The following LMO7 variants were observed in gnomAD, a reference collection of about 807,000 sequenced individuals.
The protein encoded by LMO7 is LIM domain 7, also known as LIM domain only protein 7.
In LMO7, 120 loss-of-function variants were observed where a neutral mutation model predicts 206.5. The observed-to-expected ratio is 0.58, with a 90% confidence interval of 0.50 to 0.68. The LOEUF is 0.68. LMO7 is among the 30% of genes least tolerant of loss of function. LMO7 has a pLI of 0.00. For synonymous variants in LMO7, 706 were observed against 681.5 expected (o/e 1.04, Z -0.56); for missense variants, 1,959 against 1,957.9 (o/e 1.00, Z -0.01).
At chr13:75,851,065 C>G (rs1416793646) in intron 27 of LMO7, among the ~76,000 whole-genome samples, 1 of 152,158 alleles carries the variant, frequency 6.6e-6, no homozygotes, top group Non-Finnish European at 1.5e-5. Context: ...TAAGCAAGTG[C>G]TTATCAAGCT....
chr13:75,786,945 T>A (rs2052539749), intron 4 of LMO7, among the ~76,000 whole-genome samples: 1 of 152,218 alleles, frequency 6.6e-6, no homozygotes, highest in South Asian at 2.1e-4. Flanking sequence ...AAGATCAGTT[T>A]AAAAATCTTA....
At chr13:75,719,287 G>A (rs2043822068) in intron 2 of LMO7, among the ~76,000 whole-genome samples, 1 of 152,048 alleles carries the variant, frequency 6.6e-6, no homozygotes, top group Non-Finnish European at 1.5e-5. Flanking sequence ...ACCAGTTCGT[G>A]TCTCTTTAGT....
chr13:75,643,847 G>A (rs1054413999), intron 1 of LMO7, among the ~76,000 whole-genome samples: 10 of 152,196 alleles, frequency 6.6e-5, no homozygotes, highest in African/African-American at 1.9e-4. Context: ...AAATACCCCA[G>A]TAGTATGCTC....
At chr13:75,826,214 T>C (rs890536899) in intron 15 of LMO7, among the ~76,000 whole-genome samples, 2 of 151,996 alleles carry the variant, frequency 1.3e-5, no homozygotes, top group African/African-American at 4.8e-5. Context: ...CTAATTTTCG[T>C]ATTTTTTTGT....
chr13:75,739,762 A>G (rs2046267496), intron 3 of LMO7, among the ~76,000 whole-genome samples: 1 of 152,306 alleles, frequency 6.6e-6, no homozygotes, highest in Non-Finnish European at 1.5e-5. Context: ...AATCTGCTGT[A>G]TAATTTAAAT....
rs372821063 is a variant in LMO7 at position 75,817,144 on chromosome 13, G to A, written c.1947-17G>A. 1.3e-6 allele frequency: 2 copies of A among 1,576,722 alleles called. No homozygotes were observed. On this transcript the variant is annotated splice_polypyrimidine_tract_variant and intron_variant, in intron 11 of 30. Transcript: ENST00000377534. ...TCATGTGAACTTCCGTAGTAACCAT[G>A]AGTCTTTTTGTTGTAGGAGTAAGTC...
At chr13:75,794,891 G>C (rs540218271) in intron 4 of LMO7, among the ~76,000 whole-genome samples, 1 of 152,056 alleles carries the variant, frequency 6.6e-6, no homozygotes, top group Admixed American at 6.5e-5. Flanking sequence ...CAAAGTCTCT[G>C]AGCAGTTTGC....
At position 75,676,278 on chromosome 13, in the gene LMO7, A is replaced by G. The variant is rs562378784; in HGVS notation, c.70-36904A>G. On this transcript the variant is annotated intron_variant, in intron 1 of 30. Transcript: ENST00000377534. ...GTATGTGCCTCTCTCCGGATTCAGT[A>G]TTTGTCTGACTTAATCAATTAACAG... Among the ~76,000 whole-genome samples, 9 of 152,280 alleles carry G rather than the reference A, an allele frequency of 5.9e-5. No individual in the cohort carries two copies. In the East Asian group the frequency reaches 1.5e-3, roughly 26 times the overall value.
At chr13:75,838,432 A>C in intron 20 of LMO7, 2 of 709,412 alleles carry the variant, frequency 2.8e-6, no homozygotes, top group Non-Finnish European at 3.6e-6. Flanking sequence ...TAAACATTTT[A>C]CTTTTTTTTT....
intron 6 of LMO7, among the ~76,000 whole-genome samples, chr13:75,800,041 G>T (rs879475141): frequency 2.0e-5 from 3 of 152,160 alleles, no homozygotes; most frequent in Admixed American, 6.5e-5. Flanking sequence ...AAACAAGTAT[G>T]CTTCCCTTGA....
In LMO7 at chr13:75,817,296, T is replaced by G; in HGVS notation, c.2064+18T>G. Reference sequence around the variant, plus strand: ...GGCAGGATGTGAGTATTTTGGGGATTGGAGGGGAGAGAGTGTATTTGTCTA... The same window carrying G: ...GGCAGGATGTGAGTATTTTGGGGATGGGAGGGGAGAGAGTGTATTTGTCTA... On this transcript the variant is annotated intron_variant, in intron 12 of 30. Coordinates refer to ENST00000377534, the MANE Select transcript of LMO7 (RefSeq NM_001306080.2). 7 of 1,475,184 alleles carry G rather than the reference T, an allele frequency of 4.7e-6. No individual in the cohort carries two copies. The highest frequency in any genetic ancestry group is 6.6e-6 in the Non-Finnish European group (7 of 1,057,130). 91.4% of individuals were successfully genotyped at this position (1,475,184 alleles called of 1,614,324 possible).
chr13:75,683,322 T>C (rs937371154), intron 1 of LMO7, among the ~76,000 whole-genome samples: 6 of 152,232 alleles, frequency 3.9e-5, no homozygotes, highest in Non-Finnish European at 8.8e-5. Flanking sequence ...TTTCCAATAT[T>C]ATAAAACTTC....
chr13:75,726,808 A>G (rs549745683), intron 2 of LMO7, among the ~76,000 whole-genome samples: 2 of 152,124 alleles, frequency 1.3e-5, no homozygotes, highest in Non-Finnish European at 2.9e-5. Flanking sequence ...CTGTGTCTCC[A>G]CATAAAGGAT....
chr13:75,661,186 A>T (rs1320794399), intron 1 of LMO7, among the ~76,000 whole-genome samples: 2 of 152,316 alleles, frequency 1.3e-5, no homozygotes, highest in Non-Finnish European at 2.9e-5. Context: ...CATCCTAATG[A>T]GAACACTGAA....
rs144051953 is a variant in LMO7 at position 75,833,406 on chromosome 13, C to G, written c.3064+241C>G. Among the ~76,000 whole-genome samples, 325 of 152,214 alleles carry G rather than the reference C, an allele frequency of 2.1e-3. 1 individual carries two copies. The highest frequency in any genetic ancestry group is 7.5e-3 in the African/African-American group (311 of 41,542). On this transcript the variant is annotated intron_variant, in intron 16 of 30. Coordinates refer to ENST00000377534, the MANE Select transcript of LMO7 (RefSeq NM_001306080.2). ...GAAGAGTCTTAATTTTGTGATTTTACAGATTTTATCCATTTTGGACTTTAT... is the reference window on the plus strand; with the variant it reads ...GAAGAGTCTTAATTTTGTGATTTTAGAGATTTTATCCATTTTGGACTTTAT...
chr13:75,746,469 G>C (rs942831540), intron 3 of LMO7, among the ~76,000 whole-genome samples: 2 of 152,178 alleles, frequency 1.3e-5, no homozygotes, highest in African/African-American at 4.8e-5. Flanking sequence ...AAACCCTCTA[G>C]AGGTGGTGGA....
intron 1 of LMO7, among the ~76,000 whole-genome samples, chr13:75,659,085 T>C (rs537891085): frequency 2.0e-4 from 30 of 152,200 alleles, no homozygotes; most frequent in South Asian, 6.2e-4. Flanking sequence ...TCAGCATCTT[T>C]AGCATTATGT....
At chr13:75,700,207 TCAC>T (rs2042191895) in intron 1 of LMO7, among the ~76,000 whole-genome samples, 1 of 152,188 alleles carries the variant, frequency 6.6e-6, no homozygotes, top group Admixed American at 6.5e-5. Flanking sequence ...AACACAATCA[TCAC>T]AGGGTCCTGA....
intron 1 of LMO7, among the ~76,000 whole-genome samples, chr13:75,701,029 C>T (rs570714131): frequency 1.3e-5 from 2 of 152,246 alleles, no homozygotes; most frequent in Middle Eastern, 3.4e-3. Context: ...AGTTCATGGA[C>T]ATTTGGGTAG....
Sources: allele counts gnomAD v4.1 joint callset (sites outside exome capture counted in the v4.1 genomes callset), GRCh38; gene constraint gnomAD v4.1.1; transcripts MANE v1.5; gene names NCBI Gene and HGNC (gene_info 2026-07-23, HGNC 2026-07-21).